The following MAGI2 variants were observed in gnomAD, a reference collection of about 807,000 sequenced individuals.
MAGI2 encodes membrane associated guanylate kinase, WW and PDZ domain containing 2, also known as membrane-associated guanylate kinase, WW and PDZ domain-containing protein 2.
In MAGI2, 35 loss-of-function variants were observed where a neutral mutation model predicts 133.3. That is an observed-to-expected ratio of 0.26 (90% CI 0.20 to 0.35). MAGI2 has a LOEUF of 0.35. Among genes scored for constraint, MAGI2 ranks in the 10% least tolerant of loss-of-function variants. The pLI is 1.00. For synonymous variants in MAGI2, 729 were observed against 710.6 expected, an observed-to-expected ratio of 1.03 and a Z score of -0.41; for missense variants, 1,636 against 1,863.4, an observed-to-expected ratio of 0.88 and a Z score of 2.25.
chr7:78,894,190 A>C (rs1439130376), intron 2 of MAGI2, among the ~76,000 whole-genome samples: 2 of 152,188 alleles, frequency 1.3e-5, no homozygotes, highest in African/African-American at 2.4e-5. Context: ...TCACAAGGTC[A>C]GGAGATCGAG....
intron 2 of MAGI2, among the ~76,000 whole-genome samples, chr7:78,934,995 A>G (rs909253646): frequency 6.6e-6 from 1 of 152,178 alleles, no homozygotes; most frequent in African/African-American, 2.4e-5. Context: ...CAGCTTGACT[A>G]AAGCTCCCCA....
intron 1 of MAGI2, among the ~76,000 whole-genome samples, chr7:79,089,854 G>A (rs1816891408): frequency 6.6e-6 from 1 of 152,186 alleles, no homozygotes; most frequent in Non-Finnish European, 1.5e-5. Context: ...AAGGTGAGGG[G>A]CTAGAGGAGG....
chr7:78,941,986 A>G (rs748946724), intron 2 of MAGI2, among the ~76,000 whole-genome samples: 8 of 152,114 alleles, frequency 5.3e-5, no homozygotes, highest in Non-Finnish European at 1.0e-4. Flanking sequence ...TAAGCTTCCA[A>G]TTTCATATTT....
At chr7:79,177,312 G>A (rs1826187375) in intron 1 of MAGI2, 1 of 151,872 alleles carries the variant, frequency 6.6e-6, no homozygotes, top group South Asian at 2.1e-4. Flanking sequence ...AAGACAAAGT[G>A]AAAATACACA....
intron 2 of MAGI2, among the ~76,000 whole-genome samples, chr7:78,713,015 T>C (rs2151180761): frequency 6.6e-6 from 1 of 152,222 alleles, no homozygotes; most frequent in Non-Finnish European, 1.5e-5. Context: ...AATGAAAACA[T>C]TAGACCTTTA....
At chr7:78,643,946 CTTACT>C (rs1203010829) in intron 2 of MAGI2, among the ~76,000 whole-genome samples, 2 of 151,950 alleles carry the variant, frequency 1.3e-5, no homozygotes, top group Non-Finnish European at 2.9e-5. Context: ...CTACAAAAAA[CTTACT>C]TTAAATATAA....
intron 2 of MAGI2, among the ~76,000 whole-genome samples, chr7:78,654,703 G>GTATATATATATA (rs57776940): frequency 8.4e-6 from 1 of 118,440 alleles, no homozygotes; most frequent in Non-Finnish European, 1.7e-5. Flanking sequence ...TTACATATAT[G>GTATATATATATA]TATATATATA....
chr7:79,128,190 T>C (rs188664044), intron 1 of MAGI2, among the ~76,000 whole-genome samples: 2 of 152,290 alleles, frequency 1.3e-5, no homozygotes, highest in African/African-American at 4.8e-5. Context: ...TCTCTCCTTT[T>C]TTTTTTGACC....
At chr7:79,359,543 T>C (rs1169476140) in intron 1 of MAGI2, among the ~76,000 whole-genome samples, 2 of 151,928 alleles carry the variant, frequency 1.3e-5, no homozygotes, top group Admixed American at 6.6e-5. Flanking sequence ...CAAGAAATCA[T>C]TGCTAAACAT....
At chr7:79,188,570 G>A (rs1827374974) in intron 1 of MAGI2, among the ~76,000 whole-genome samples, 1 of 151,784 alleles carries the variant, frequency 6.6e-6, no homozygotes, top group South Asian at 2.1e-4. Flanking sequence ...GTTGTGAACA[G>A]TGCTGCAATG....
chr7:78,172,693 T>C (rs753168751), intron 14 of MAGI2, among the ~76,000 whole-genome samples: 3 of 152,318 alleles, frequency 2.0e-5, no homozygotes, highest in Non-Finnish European at 4.4e-5. Context: ...ATTTCGTATA[T>C]ACAGAGGCAG....
intron 1 of MAGI2, among the ~76,000 whole-genome samples, chr7:79,256,788 G>A (rs754258207): frequency 1.2e-4 from 18 of 151,784 alleles, no homozygotes; most frequent in Non-Finnish European, 2.1e-4. Flanking sequence ...ACCACGCCCC[G>A]CAAAAATATC....
chr7:79,213,316 G>A (rs577264205), intron 1 of MAGI2, among the ~76,000 whole-genome samples: 13 of 144,700 alleles, frequency 9.0e-5, no homozygotes, highest in South Asian at 2.1e-4. Flanking sequence ...TTACACACAC[G>A]TACACACGTA....
intron 21 of MAGI2, among the ~76,000 whole-genome samples, chr7:78,063,396 C>T (rs1293324618): frequency 6.6e-6 from 1 of 152,202 alleles, no homozygotes; most frequent in East Asian, 1.9e-4. Context: ...CATGTGCTTG[C>T]ACACCTGGCT....
chr7:78,555,509 A>G (rs1289330814), intron 3 of MAGI2, among the ~76,000 whole-genome samples: 1 of 152,198 alleles, frequency 6.6e-6, no homozygotes, highest in Non-Finnish European at 1.5e-5. Flanking sequence ...GTGATAATAT[A>G]ATGAATTATT....
At chr7:79,002,305 T>C (rs1415570017) in intron 2 of MAGI2, among the ~76,000 whole-genome samples, 3 of 151,768 alleles carry the variant, frequency 2.0e-5, no homozygotes, top group African/African-American at 7.3e-5. Flanking sequence ...ATTTTTTTTT[T>C]GTAGAGATAG....
At chr7:78,827,821 G>T (rs941075707) in intron 2 of MAGI2, among the ~76,000 whole-genome samples, 2 of 152,050 alleles carry the variant, frequency 1.3e-5, no homozygotes. Flanking sequence ...ATATACAGAA[G>T]AATTCAAAAT....
chr7:78,763,580 A>G (rs1824728738), intron 2 of MAGI2, among the ~76,000 whole-genome samples: 1 of 152,160 alleles, frequency 6.6e-6, no homozygotes, highest in Admixed American at 6.5e-5. Context: ...CACCTAAAGG[A>G]CTGTGTGTGC....
At chr7:78,087,649 C>A (rs527905820) in intron 20 of MAGI2, among the ~76,000 whole-genome samples, 1 of 152,186 alleles carries the variant, frequency 6.6e-6, no homozygotes, top group East Asian at 1.9e-4. Flanking sequence ...AAAACAAAAA[C>A]AACTCTTCTT....
Sources: allele counts gnomAD v4.1 joint callset (sites outside exome capture counted in the v4.1 genomes callset), GRCh38; gene constraint gnomAD v4.1.1; transcripts MANE v1.5; gene names NCBI Gene and HGNC (gene_info 2026-07-23, HGNC 2026-07-21).